The following MGAT4C variants were observed in gnomAD, a reference collection of about 807,000 sequenced individuals.
The protein encoded by MGAT4C is alpha-1,3-mannosyl-glycoprotein 4-beta-N-acetylglucosaminyltransferase C.
MGAT4C carries 19 observed loss-of-function variants against 40.1 expected under a neutral mutation model. The observed-to-expected ratio is 0.47, with a 90% CI of 0.33 to 0.70. The LOEUF is 0.70. Ranked by LOEUF, MGAT4C falls within the 30% of genes least tolerant of loss-of-function variation. The pLI is 0.02. For synonymous variants in MGAT4C, 181 were observed against 187.1 expected (o/e 0.97, Z 0.27); for missense variants, 491 against 563.2 (o/e 0.87, Z 1.30).
chr12:86,788,968 A>G (rs992737132), intron 1 of MGAT4C, among the ~76,000 whole-genome samples: 2 of 152,126 alleles, frequency 1.3e-5, no homozygotes, highest in Non-Finnish European at 2.9e-5. Context: ...GAGCATGAAG[A>G]ACATATTTTC....
chr12:86,479,286 C>A (rs1319430766), intron 2 of MGAT4C, among the ~76,000 whole-genome samples: 2 of 151,794 alleles, frequency 1.3e-5, no homozygotes, highest in Non-Finnish European at 2.9e-5. Context: ...TTGAAGTATG[C>A]AAGAAATTAA....
chr12:86,531,064 T>G (rs1958973329), intron 2 of MGAT4C, among the ~76,000 whole-genome samples: 1 of 152,096 alleles, frequency 6.6e-6, no homozygotes, highest in Admixed American at 6.6e-5. Flanking sequence ...GGCCAACTAC[T>G]CATGGATGAT....
chr12:86,405,155 T>C (rs1270631684), intron 3 of MGAT4C, among the ~76,000 whole-genome samples: 1 of 152,004 alleles, frequency 6.6e-6, no homozygotes, highest in Non-Finnish European at 1.5e-5. Flanking sequence ...TTCCAAATGG[T>C]GATGGACGTT....
At chr12:86,183,625 A>G (rs1042893714) in intron 1 of MGAT4C, among the ~76,000 whole-genome samples, 4 of 152,128 alleles carry the variant, frequency 2.6e-5, no homozygotes, top group African/African-American at 9.7e-5. Context: ...TACTTCCCCC[A>G]GTTCTAGAGG....
chr12:86,573,342 T>A (rs576723831), intron 2 of MGAT4C, among the ~76,000 whole-genome samples: 2 of 152,136 alleles, frequency 1.3e-5, no homozygotes, highest in East Asian at 3.9e-4. Context: ...CTGAAAGCTG[T>A]GTATTCCTCT....
intron 2 of MGAT4C, among the ~76,000 whole-genome samples, chr12:86,668,907 C>G (rs1274168617): frequency 6.6e-6 from 1 of 152,180 alleles, no homozygotes; most frequent in Non-Finnish European, 1.5e-5. Context: ...GCTCCACCCC[C>G]AGACAGAAAT....
chr12:85,989,684 T>A, intron 2 of MGAT4C, 132 bp from the exon 3 acceptor site: 1 of 809,292 alleles, frequency 1.2e-6, no homozygotes, highest in South Asian at 2.1e-5. Flanking sequence ...GTTCCCAATT[T>A]CAAACATAAG....
chr12:86,430,750 G>A (rs1465676778), intron 3 of MGAT4C, among the ~76,000 whole-genome samples: 1 of 152,142 alleles, frequency 6.6e-6, no homozygotes, highest in African/African-American at 2.4e-5. Context: ...AGAGGCTATG[G>A]TCCTTAGAAA....
At chr12:86,212,649 G>A (rs1173025662) in intron 1 of MGAT4C, among the ~76,000 whole-genome samples, 29 of 150,660 alleles carry the variant, frequency 1.9e-4, no homozygotes, top group Admixed American at 1.1e-3. Context: ...AGCACTTTGG[G>A]AGGCCGAGGC....
At chr12:86,616,967 G>A (rs368900853) in intron 2 of MGAT4C, among the ~76,000 whole-genome samples, 41 of 152,028 alleles carry the variant, frequency 2.7e-4, no homozygotes, top group African/African-American at 9.9e-4. Context: ...TGACTAACAA[G>A]AACATGACAC....
chr12:86,104,789 T>C (rs1468930329), intron 1 of MGAT4C, among the ~76,000 whole-genome samples: 1 of 152,226 alleles, frequency 6.6e-6, no homozygotes, highest in Non-Finnish European at 1.5e-5. Context: ...ATGTATCATC[T>C]TCTAATTTTA....
intron 1 of MGAT4C, among the ~76,000 whole-genome samples, chr12:86,223,872 C>T (rs548114987): frequency 7.2e-5 from 11 of 152,288 alleles, no homozygotes; most frequent in African/African-American, 2.6e-4. Flanking sequence ...GGCCTACCCA[C>T]CCTGTTGCAG....
At chr12:86,093,293 TC>T (rs1328871093) in intron 1 of MGAT4C, among the ~76,000 whole-genome samples, 2 of 152,174 alleles carry the variant, frequency 1.3e-5, no homozygotes, top group African/African-American at 4.8e-5. Context: ...GCTAAAGTTC[TC>T]ATATTTTTAA....
intron 3 of MGAT4C, among the ~76,000 whole-genome samples, chr12:86,388,220 A>G (rs1006640456): frequency 6.6e-6 from 1 of 152,126 alleles, no homozygotes; most frequent in Non-Finnish European, 1.5e-5. Flanking sequence ...TCGCAGTGTT[A>G]TTTAGGAGTT....
chr12:86,546,845 T>C (rs919462803), intron 2 of MGAT4C, among the ~76,000 whole-genome samples: 2 of 151,978 alleles, frequency 1.3e-5, no homozygotes, highest in Admixed American at 6.6e-5. Flanking sequence ...CACCACTGTC[T>C]AGATGCCGCC....
intron 1 of MGAT4C, among the ~76,000 whole-genome samples, chr12:86,057,321 A>G (rs897405903): frequency 3.9e-5 from 6 of 152,180 alleles, no homozygotes; most frequent in Admixed American, 3.9e-4. Flanking sequence ...TTTCTATCCA[A>G]TTATGTAAGT....
chr12:86,061,045 C>T lies in MGAT4C; in HGVS notation c.-56-11322G>A, dbSNP rs78754425. 7.3e-3 allele frequency among the ~76,000 whole-genome samples: 1,116 copies of T among 152,222 alleles called. 8 individuals are homozygous for T. The highest frequency in any genetic ancestry group is 0.011 in the Non-Finnish European group (755 of 68,008). ...AAGCCTTGGTTAGGTGCTTCACTTT[C>T]AAGAAAAGAGACAGACACTGTCTGT... On this transcript the variant is annotated intron_variant, in intron 1 of 4. Coordinates refer to ENST00000611864, the MANE Select transcript of MGAT4C (RefSeq NM_001351288.2).
intron 2 of MGAT4C, among the ~76,000 whole-genome samples, chr12:86,565,698 C>T (rs1702228089): frequency 6.6e-6 from 1 of 152,210 alleles, no homozygotes; most frequent in Non-Finnish European, 1.5e-5. Context: ...ATGGACCTCT[C>T]TGAGTGGTCA....
chr12:86,610,531 G>A (rs1257834477), intron 2 of MGAT4C, among the ~76,000 whole-genome samples: 3 of 149,246 alleles, frequency 2.0e-5, no homozygotes, highest in Non-Finnish European at 4.4e-5. Flanking sequence ...CCAAGGAAGA[G>A]GTAAAAGGGC....
Sources: allele counts gnomAD v4.1 joint callset (sites outside exome capture counted in the v4.1 genomes callset), GRCh38; gene constraint gnomAD v4.1.1; transcripts MANE v1.5; gene names NCBI Gene and HGNC (gene_info 2026-07-23, HGNC 2026-07-21).